SVEP1: variants seen among roughly 807,000 people sequenced by gnomAD.
The protein encoded by SVEP1 is sushi, von Willebrand factor type A, EGF and pentraxin domain containing 1.
In SVEP1, 164 loss-of-function variants were observed where a neutral mutation model predicts 367.3. The ratio of observed to expected loss-of-function variants is 0.45; its 90% confidence interval spans 0.39 to 0.51. SVEP1 has a LOEUF of 0.51. Ranked by LOEUF, SVEP1 falls within the 20% of genes least tolerant of loss-of-function variation. SVEP1 has a pLI of 0.00. For synonymous variants in SVEP1, 1,666 were observed against 1,611.6 expected, an observed-to-expected ratio of 1.03 and a Z score of -0.81; for missense variants, 4,117 against 4,425.3, an observed-to-expected ratio of 0.93 and a Z score of 1.98.
At chr9:110,526,372 C>T (rs1484063040) in intron 3 of SVEP1, among the ~76,000 whole-genome samples, 2 of 152,020 alleles carry the variant, frequency 1.3e-5, no homozygotes, top group Non-Finnish European at 1.5e-5. Flanking sequence ...GAACAAAAGA[C>T]ATGAAGAGAC....
intron 40 of SVEP1, among the ~76,000 whole-genome samples, chr9:110,398,588 A>G (rs763842709): frequency 2.0e-5 from 3 of 152,224 alleles, no homozygotes; most frequent in Non-Finnish European, 4.4e-5. Flanking sequence ...TTTCCAGCCT[A>G]CTCATCTGAC....
intron 24 of SVEP1, 53 bp downstream of exon 24, chr9:110,450,006 C>G (rs1437802066): frequency 1.3e-6 from 2 of 1,591,662 alleles, no homozygotes; most frequent in African/African-American, 2.7e-5. Flanking sequence ...TGCAGAATCA[C>G]TGAATAGTTT....
At chr9:110,501,741 T>G (rs1183534508) in intron 6 of SVEP1, among the ~76,000 whole-genome samples, 1 of 152,206 alleles carries the variant, frequency 6.6e-6, no homozygotes, top group Non-Finnish European at 1.5e-5. Context: ...AACATTTTAC[T>G]GAAAATGTGT....
chr9:110,414,280 A>G (rs1828085572), intron 36 of SVEP1, among the ~76,000 whole-genome samples: 1 of 152,092 alleles, frequency 6.6e-6, no homozygotes, highest in Non-Finnish European at 1.5e-5. Flanking sequence ...ATCCTAACTG[A>G]CAATATTTAT....
intron 43 of SVEP1, among the ~76,000 whole-genome samples, 184 bp downstream of exon 43, chr9:110,385,714 T>A (rs1040752483): frequency 6.6e-6 from 1 of 152,186 alleles, no homozygotes; most frequent in Non-Finnish European, 1.5e-5. Context: ...TGGAAAGCTT[T>A]TTTTAAAATG....
rs889616667 is a variant in SVEP1, at chr9:110,385,765, G to A, written c.10237+133C>T. On this transcript the variant is annotated intron_variant, in intron 43 of 47. Coordinates refer to ENST00000374469, the MANE Select transcript of SVEP1 (RefSeq NM_153366.4). ...TTAAAAGAAATTTACAAACATTAAT[G>A]AGGAAGATGATAACTGTGATAGCAC... 5.2e-6 allele frequency: 5 copies of A among 957,384 alleles called. No homozygotes were observed. The Admixed American group carries it at 1.9e-4, about 36-fold the overall frequency. 59.3% of individuals were successfully genotyped at this position (957,384 alleles called of 1,614,324 possible).
chr9:110,394,495 G>A (rs1187028127), intron 40 of SVEP1, among the ~76,000 whole-genome samples: 1 of 152,174 alleles, frequency 6.6e-6, no homozygotes, highest in Non-Finnish European at 1.5e-5. Context: ...GAACAAAGCT[G>A]GACAGAGAAT....
chr9:110,565,034 T>A (rs905898750), intron 1 of SVEP1, among the ~76,000 whole-genome samples: 1 of 152,178 alleles, frequency 6.6e-6, no homozygotes, highest in South Asian at 2.1e-4. Context: ...AGAAAGATTT[T>A]AGTAAGCACT....
At chr9:110,570,765 AC>A (rs1830552802) in intron 1 of SVEP1, among the ~76,000 whole-genome samples, 1 of 151,558 alleles carries the variant, frequency 6.6e-6, no homozygotes, top group Non-Finnish European at 1.5e-5. Context: ...ATAGGCATGA[AC>A]CACAATATTT....
At chr9:110,441,678 C>A (rs952610614) in intron 27 of SVEP1, among the ~76,000 whole-genome samples, 1 of 152,200 alleles carries the variant, frequency 6.6e-6, no homozygotes, top group Non-Finnish European at 1.5e-5. Context: ...CCAAGTTTCC[C>A]TCCCAGGAGA....
intron 44 of SVEP1, 121 bp from the exon 45 acceptor site, chr9:110,377,487 C>A: frequency 3.6e-6 from 3 of 833,400 alleles, no homozygotes; most frequent in Middle Eastern, 2.4e-4. Context: ...GGAAGAGAGA[C>A]AAAAATCGAA....
chr9:110,481,903 G>A (rs1037638127), intron 11 of SVEP1, among the ~76,000 whole-genome samples: 1 of 152,022 alleles, frequency 6.6e-6, no homozygotes, highest in African/African-American at 2.4e-5. Flanking sequence ...AGTAGAGACA[G>A]GGTTTCACTA....
chr9:110,453,258 G>A (rs1412102260), intron 22 of SVEP1, among the ~76,000 whole-genome samples: 1 of 151,974 alleles, frequency 6.6e-6, no homozygotes, highest in Non-Finnish European at 1.5e-5. Flanking sequence ...GATGATCTCA[G>A]TACTCTCCAT....
chr9:110,572,825 A>G lies in SVEP1; in HGVS notation c.531+6188T>C, dbSNP rs967003472. ...AAAAAAAAAAAAAAAAATGAGTACT[A>G]CTTTTTTGCCTGGGAAATATATGTG... On this transcript the variant is annotated intron_variant, in intron 1 of 47. Transcript: ENST00000374469. 1.7e-3 allele frequency among the ~76,000 whole-genome samples: 245 copies of G among 142,182 alleles called. 5 individuals carry two copies. The East Asian group carries it at 0.051, about 29-fold the overall frequency. The allele number at this position is 142,182 out of a possible 152,430, so 93.3% of individuals were successfully genotyped here.
chr9:110,379,432 T>C lies in SVEP1; in HGVS notation c.10323A>G (p.Ser3441=), dbSNP rs763149755. The C allele has an allele frequency of 2.0e-5, 32 of 1,613,686 alleles. 1 individual carries two copies. The South Asian group carries it at 3.0e-4, about 15-fold the overall frequency. Reference sequence around the variant, plus strand: ...CCTCCAACATGTATCCACTGTAACATGAGTAGGTGATCATGTCTCCATATT... The same window carrying C: ...CCTCCAACATGTATCCACTGTAACACGAGTAGGTGATCATGTCTCCATATT... ...HYQYGDMITY[S]CYSGYMLEGF... is the part of the protein sequence containing the mutation. The change falls in exon 44 of 48, where the codon TCA becomes TCG. Residue 3441 remains serine (S), a synonymous_variant. Transcript: ENST00000374469.
intron 40 of SVEP1, among the ~76,000 whole-genome samples, chr9:110,398,002 C>T (rs547361259): frequency 3.5e-5 from 5 of 143,348 alleles, no homozygotes; most frequent in African/African-American, 1.3e-4. Context: ...CTTTAAAGTT[C>T]ATATGGAACC....
At chr9:110,519,711 GGA>G (rs1481247166) in intron 3 of SVEP1, among the ~76,000 whole-genome samples, 1 of 152,150 alleles carries the variant, frequency 6.6e-6, no homozygotes, top group Non-Finnish European at 1.5e-5. Flanking sequence ...AAGCCCTGAT[GGA>G]GAGTGGAGGG....
intron 28 of SVEP1, among the ~76,000 whole-genome samples, chr9:110,436,156 A>G (rs1828428071): frequency 6.6e-6 from 1 of 152,044 alleles, no homozygotes; most frequent in African/African-American, 2.4e-5. Context: ...AATGTTTTCC[A>G]ATAAAATTTA....
Position 110,504,211 on chromosome 9 carries a change from C to T in SVEP1, c.1304-994G>A, listed in dbSNP as rs1238021187. ...CTGGGACTACAGGCGCCCTCTACCA[C>T]GCCCGGCTATTTTTTTTTTTGAATT... On this transcript the variant is annotated intron_variant, in intron 5 of 47. Coordinates refer to ENST00000374469, the MANE Select transcript of SVEP1 (RefSeq NM_153366.4). Among the ~76,000 whole-genome samples, 13 of 131,384 alleles carry T rather than the reference C, an allele frequency of 9.9e-5. 2 individuals are homozygous for T. The South Asian group carries it at 2.2e-3, about 23-fold the overall frequency. 86.2% of individuals were successfully genotyped at this position (131,384 alleles called of 152,430 possible).
Sources: gnomAD v4.1 joint callset for allele counts (sites outside exome capture counted in the v4.1 genomes callset) on GRCh38, gnomAD v4.1.1 for gene constraint, MANE v1.5 for transcripts, NCBI Gene and HGNC (gene_info 2026-07-23, HGNC 2026-07-21) for gene names.